The following MICU1 variants were observed in gnomAD, a reference collection of about 807,000 sequenced individuals.
The protein encoded by MICU1 is calcium uptake protein 1, mitochondrial.
In MICU1, 45 loss-of-function variants were observed where a neutral mutation model predicts 56.8. The ratio of observed to expected loss-of-function variants is 0.79; its 90% CI spans 0.62 to 1.02. The LOEUF is 1.02. Ranked by LOEUF, MICU1 falls within the 50% of genes least tolerant of loss-of-function variation. MICU1 has a pLI of 0.00. For synonymous variants in MICU1, 186 were observed against 195.1 expected, an observed-to-expected ratio of 0.95 and a Z score of 0.39; for missense variants, 504 against 587.1, an observed-to-expected ratio of 0.86 and a Z score of 1.46.
At chr10:72,569,000 C>T (rs1342375472) in intron 1 of MICU1, among the ~76,000 whole-genome samples, 14 of 150,042 alleles carry the variant, frequency 9.3e-5, no homozygotes, top group Non-Finnish European at 1.9e-4. Flanking sequence ...GTGATCCATC[C>T]GCCTCGGCCT....
intron 8 of MICU1, among the ~76,000 whole-genome samples, chr10:72,444,934 A>G (rs1310819484): frequency 1.3e-5 from 2 of 152,244 alleles, no homozygotes; most frequent in Non-Finnish European, 2.9e-5. Flanking sequence ...ATACCTACGG[A>G]GAGAATGTGA....
intron 9 of MICU1, among the ~76,000 whole-genome samples, chr10:72,408,834 T>C (rs1863714944): frequency 1.3e-5 from 2 of 152,356 alleles, no homozygotes; most frequent in South Asian, 4.1e-4. Context: ...TGTCGGTATT[T>C]AGCAAAACCC....
intron 6 of MICU1, among the ~76,000 whole-genome samples, chr10:72,493,184 T>A (rs1589274927): frequency 6.6e-6 from 1 of 151,980 alleles, no homozygotes; most frequent in East Asian, 1.9e-4. Flanking sequence ...TATGTATGCA[T>A]GTACATGTGT....
chr10:72,439,233 A>C (rs890723651), intron 8 of MICU1, among the ~76,000 whole-genome samples: 1 of 152,224 alleles, frequency 6.6e-6, no homozygotes, highest in Non-Finnish European at 1.5e-5. Flanking sequence ...CTGGGATGCA[A>C]GGCTGGTTCA....
At chr10:72,510,704 C>CG (rs200622707) in intron 5 of MICU1, among the ~76,000 whole-genome samples, 5,617 of 151,782 alleles carry the variant, frequency 0.037, 325 homozygotes, top group African/African-American at 0.13. Flanking sequence ...AATGCAGTGG[C>CG]GTGATCTCAG....
At chr10:72,494,759 G>A (rs1331358011) in intron 6 of MICU1, among the ~76,000 whole-genome samples, 2 of 151,340 alleles carry the variant, frequency 1.3e-5, no homozygotes, top group African/African-American at 2.4e-5. Flanking sequence ...GCAAGGCTTC[G>A]GCTATACAGG....
intron 6 of MICU1, among the ~76,000 whole-genome samples, chr10:72,489,071 T>A (rs1359744528): frequency 6.6e-6 from 1 of 152,092 alleles, no homozygotes; most frequent in African/African-American, 2.4e-5. Flanking sequence ...GGTGGATCAC[T>A]TGAGGTTAGG....
At chr10:72,495,190 T>TAC in intron 6 of MICU1, among the ~76,000 whole-genome samples, 1 of 81,444 alleles carries the variant, frequency 1.2e-5, no homozygotes, top group East Asian at 2.1e-4. Context: ...ATGCCCAAAT[T>TAC]ACATGTCTGC....
intron 10 of MICU1, among the ~76,000 whole-genome samples, chr10:72,403,687 G>A (rs1293899896): frequency 2.3e-5 from 3 of 133,006 alleles, no homozygotes; most frequent in East Asian, 2.4e-4. Flanking sequence ...ACGGAGTCTC[G>A]CTCTGTTGCC....
intron 8 of MICU1, among the ~76,000 whole-genome samples, chr10:72,427,733 A>AATAAATAAATAT (rs1241632825): frequency 1.2e-4 from 16 of 136,284 alleles, no homozygotes; most frequent in African/African-American, 4.4e-4. Flanking sequence ...CCATCTCTAA[A>AATAAATAAATAT]ATATATATAT....
chr10:72,563,117 C>A, intron 2 of MICU1, 54 bp from the exon 3 acceptor site: 1 of 1,310,304 alleles, frequency 7.6e-7, no homozygotes. Context: ...TCATACTAGA[C>A]AAATAAGCAA....
rs57504317 is a variant in MICU1, at chr10:72,594,925, C to CAAA, written c.-1-28134_-1-28132dup. Among the ~76,000 whole-genome samples, 87 of 50,748 alleles carry CAAA rather than the reference C, an allele frequency of 1.7e-3. 3 individuals carry two copies. In the Middle Eastern group the frequency reaches 0.039, roughly 23 times the overall value. The allele number at this position is 50,748 out of a possible 152,430, so 33.3% of individuals were successfully genotyped here. On this transcript the variant is annotated intron_variant, in intron 1 of 11. Transcript: ENST00000361114. ...ACCCTGTCTCAAAAAAAGTACAATC[C>CAAA]AAAAAAAAAAAAAAGATGAACCAAT...
At chr10:72,508,984 A>G (rs1022137475) in intron 5 of MICU1, among the ~76,000 whole-genome samples, 1 of 152,164 alleles carries the variant, frequency 6.6e-6, no homozygotes, top group African/African-American at 2.4e-5. Flanking sequence ...TCTTTAATCT[A>G]TAAATCTCAC....
At chr10:72,492,099 A>G (rs376194272) in intron 6 of MICU1, among the ~76,000 whole-genome samples, 18 of 152,170 alleles carry the variant, frequency 1.2e-4, no homozygotes, top group African/African-American at 4.3e-4. Flanking sequence ...GCCCGCCAGT[A>G]TATGATTTTT....
At chr10:72,588,264 G>A (rs1038575812) in intron 1 of MICU1, among the ~76,000 whole-genome samples, 1 of 151,598 alleles carries the variant, frequency 6.6e-6, no homozygotes, top group African/African-American at 2.4e-5. Flanking sequence ...CATGCTACCT[G>A]TACAGCCTGC....
chr10:72,486,403 C>T (rs1392115493), intron 6 of MICU1, among the ~76,000 whole-genome samples: 8 of 152,132 alleles, frequency 5.3e-5, no homozygotes, highest in East Asian at 1.9e-4. Context: ...CAGTTTTTGA[C>T]GTATTTTGTA....
intron 10 of MICU1, among the ~76,000 whole-genome samples, chr10:72,400,706 A>G (rs1241197748): frequency 1.3e-5 from 2 of 152,100 alleles, no homozygotes; most frequent in African/African-American, 2.4e-5. Context: ...AGATCATGCC[A>G]TTGCACTCCA....
intron 6 of MICU1, among the ~76,000 whole-genome samples, chr10:72,487,623 G>A (rs1394793648): frequency 1.3e-5 from 2 of 152,094 alleles, no homozygotes; most frequent in African/African-American, 2.4e-5. Context: ...CAAAGGAGAT[G>A]TTATCTCTTC....
intron 2 of MICU1, among the ~76,000 whole-genome samples, chr10:72,565,034 A>G (rs1840393224): frequency 6.6e-6 from 1 of 150,888 alleles, no homozygotes; most frequent in Admixed American, 6.6e-5. Context: ...TAATCCCAAC[A>G]CTTTAGGAGG....
Sources: allele counts gnomAD v4.1 joint callset (sites outside exome capture counted in the v4.1 genomes callset), GRCh38; gene constraint gnomAD v4.1.1; transcripts MANE v1.5; gene names NCBI Gene and HGNC (gene_info 2026-07-23, HGNC 2026-07-21).